Variants in DNAH14 observed in about 807,000 individuals in gnomAD.
DNAH14 encodes axonemal beta dynein heavy chain 14.
Under a neutral mutation model 520.9 loss-of-function variants are expected in DNAH14, and 478 were observed. The observed-to-expected ratio is 0.92, with a 90% CI of 0.85 to 0.99. The LOEUF is 0.99. Among genes scored for constraint, DNAH14 ranks in the 50% least tolerant of loss-of-function variants. The pLI is 0.00. For missense variants in DNAH14, 4,831 were observed against 5,234.5 expected (o/e 0.92, Z 2.38); for synonymous variants, 1,581 against 1,757.2 (o/e 0.90, Z 2.51).
chr1:225,152,177 T>C lies in DNAH14; in HGVS notation c.5009+104T>C, dbSNP rs892080139. The C allele has an allele frequency of 1.0e-5, 10 of 972,792 alleles. No homozygotes were observed. The Admixed American group carries it at 2.6e-4, about 25-fold the overall frequency. The allele number at this position is 972,792 out of a possible 1,614,324, so 60.3% of individuals were successfully genotyped here. ...TGACATTTGCATCTATCCATATATC[T>C]GTCTCCACCATCCTCTGAACACTTC... On this transcript the variant is annotated intron_variant, in intron 32 of 85. Transcript: ENST00000682510.
At chr1:225,263,228 A>G (rs1459147432) in intron 46 of DNAH14, among the ~76,000 whole-genome samples, 1 of 146,732 alleles carries the variant, frequency 6.8e-6, no homozygotes, top group Non-Finnish European at 1.5e-5. Context: ...ACATGTATAT[A>G]TACATATATA....
chr1:225,310,534 A>G (rs1260841593), intron 60 of DNAH14, among the ~76,000 whole-genome samples: 1 of 152,094 alleles, frequency 6.6e-6, no homozygotes, highest in Non-Finnish European at 1.5e-5. Flanking sequence ...GTGCCATGGT[A>G]GTTTGCTGCA....
intron 34 of DNAH14, among the ~76,000 whole-genome samples, chr1:225,156,593 G>A (rs1182650534): frequency 6.6e-6 from 1 of 151,802 alleles, no homozygotes; most frequent in African/African-American, 2.4e-5. Flanking sequence ...CTCAAAGGTA[G>A]ACACACTGTC....
At chr1:225,310,318 G>A (rs1469001017) in intron 60 of DNAH14, among the ~76,000 whole-genome samples, 1 of 152,022 alleles carries the variant, frequency 6.6e-6, no homozygotes, top group Non-Finnish European at 1.5e-5. Context: ...TACACAATTA[G>A]ATATGAAACT....
In DNAH14 at chr1:225,078,850, CT is replaced by C. The variant is rs1218839824; in HGVS notation, c.2425-356del. 1.6e-3 allele frequency among the ~76,000 whole-genome samples: 67 copies of C among 41,852 alleles called. 4 individuals are homozygous for C. The highest frequency in any genetic ancestry group is 5.3e-3 in the African/African-American group (54 of 10,120). 27.5% of individuals were successfully genotyped at this position (41,852 alleles called of 152,430 possible). A position where few individuals can be genotyped will look rare whatever the true frequency, so the allele number is the denominator to read the frequency against. On this transcript the variant is annotated intron_variant, in intron 17 of 85. Transcript: ENST00000682510. ...CCTCTCTCTCTCTCTCTCCCTCTCT[CT>C]CTCTCTCCCTCTCTCTCTCTCTCTC...
intron 28 of DNAH14, among the ~76,000 whole-genome samples, chr1:225,144,102 T>A (rs576595306): frequency 6.6e-6 from 1 of 152,202 alleles, no homozygotes; most frequent in Non-Finnish European, 1.5e-5. Context: ...ATGATTCTTA[T>A]ATAAATCCTC....
At chr1:225,089,464 A>AAAAAAAAAAAAAAAAAAAAAAAAAAAG (rs775049047) in intron 21 of DNAH14, among the ~76,000 whole-genome samples, 8 of 138,384 alleles carry the variant, frequency 5.8e-5, no homozygotes, top group Middle Eastern at 3.4e-3. Context: ...AAAAAAAAAA[A>AAAAAAAAAAAAAAAAAAAAAAAAAAAG]AGAGAGCGAG....
chr1:225,108,719 T>C (rs2076276023), intron 23 of DNAH14, among the ~76,000 whole-genome samples: 1 of 152,188 alleles, frequency 6.6e-6, no homozygotes, highest in Non-Finnish European at 1.5e-5. Context: ...TTTAACTTGA[T>C]ATGATCCCAT....
At chr1:225,200,047 T>A (rs2086629634) in intron 38 of DNAH14, among the ~76,000 whole-genome samples, 1 of 152,332 alleles carries the variant, frequency 6.6e-6, no homozygotes, top group Admixed American at 6.5e-5. Context: ...AGGATTGTGA[T>A]ATTTTCCTGT....
intron 31 of DNAH14, 69 bp downstream of exon 31, chr1:225,147,318 T>C: frequency 7.3e-7 from 1 of 1,372,878 alleles, no homozygotes; most frequent in Non-Finnish European, 9.4e-7. Context: ...AGTTAATTAT[T>C]GTTAAATATT....
chr1:225,130,566 AAG>A (rs1328374948), intron 27 of DNAH14, among the ~76,000 whole-genome samples: 1 of 134,318 alleles, frequency 7.4e-6, no homozygotes, highest in Non-Finnish European at 1.7e-5. Flanking sequence ...AAAATATCGC[AAG>A]GATAAAAAAC....
At chr1:225,317,912 G>T (rs1035270588) in intron 60 of DNAH14, among the ~76,000 whole-genome samples, 2 of 152,134 alleles carry the variant, frequency 1.3e-5, no homozygotes, top group Non-Finnish European at 2.9e-5. Flanking sequence ...AGTTAGACCA[G>T]CAGAAAACAG....
chr1:225,052,758 C>T (rs956520587), intron 17 of DNAH14, among the ~76,000 whole-genome samples: 8 of 152,176 alleles, frequency 5.3e-5, no homozygotes, highest in Admixed American at 1.3e-4. Context: ...TAGAATATTG[C>T]AGGAGTAGGT....
rs140729760 is a variant in DNAH14 at position 225,094,818 on chromosome 1, CAAAA to C, written c.3574-2286_3574-2283del. Among the ~76,000 whole-genome samples the C allele has an allele frequency of 7.0e-3, 638 of 91,188 alleles. 5 individuals are homozygous for C. Among genetic ancestry groups the C allele is most frequent in the African/African-American group, 0.018 (606 of 33,828 alleles). The allele number at this position is 91,188 out of a possible 152,430, so 59.8% of individuals were successfully genotyped here. A position where few individuals can be genotyped will look rare whatever the true frequency, so the allele number is the denominator to read the frequency against. ...TAAGGAACTTAAACACATTTACAGG[CAAAA>C]AAAAAAAAAAAAACAACCCCATTAA... On this transcript the variant is annotated intron_variant, in intron 21 of 85. Transcript: ENST00000682510.
chr1:225,189,178 C>G (rs544348838), intron 37 of DNAH14, among the ~76,000 whole-genome samples: 4 of 151,568 alleles, frequency 2.6e-5, no homozygotes, highest in South Asian at 4.2e-4. Flanking sequence ...GTTGAACTAC[C>G]CTTGCATTCC....
intron 28 of DNAH14, among the ~76,000 whole-genome samples, chr1:225,144,049 T>G (rs1188455803): frequency 6.6e-6 from 1 of 152,232 alleles, no homozygotes; most frequent in African/African-American, 2.4e-5. Context: ...AAACATCATC[T>G]TCAATCACAG....
At chr1:225,129,431 C>T (rs1299916908) in intron 27 of DNAH14, among the ~76,000 whole-genome samples, 4 of 150,298 alleles carry the variant, frequency 2.7e-5, no homozygotes, top group African/African-American at 4.9e-5. Context: ...TACAAGGCTA[C>T]AGTAACCAAA....
intron 36 of DNAH14, among the ~76,000 whole-genome samples, chr1:225,171,461 A>G (rs2082654351): frequency 1.3e-5 from 2 of 152,240 alleles, no homozygotes; most frequent in South Asian, 4.1e-4. Context: ...CCGCAGAAAT[A>G]CAAACTACCA....
chr1:225,325,469 GA>G (rs1264343665), intron 64 of DNAH14, among the ~76,000 whole-genome samples: 1 of 142,642 alleles, frequency 7.0e-6, no homozygotes, highest in African/African-American at 2.7e-5. Flanking sequence ...TGGGCAACAA[GA>G]GCAAAACTCC....
Sources: gnomAD v4.1 joint callset for allele counts (sites outside exome capture counted in the v4.1 genomes callset) on GRCh38, gnomAD v4.1.1 for gene constraint, MANE v1.5 for transcripts, NCBI Gene and HGNC (gene_info 2026-07-23, HGNC 2026-07-21) for gene names.